GTF3C4: variants seen among roughly 807,000 people sequenced by gnomAD.
GTF3C4 encodes general transcription factor IIIC subunit 4.
GTF3C4 carries 28 observed loss-of-function variants against 67.5 expected under a neutral mutation model. The observed-to-expected ratio is 0.41, with a 90% CI of 0.31 to 0.57. GTF3C4 has a LOEUF of 0.57. Among genes scored for constraint, GTF3C4 ranks in the 20% least tolerant of loss-of-function variants. The probability of loss-of-function intolerance (pLI) is 0.21; values close to 1 mark genes in which losing one functional copy is unlikely to be tolerated. For synonymous variants in GTF3C4, 409 were observed against 393.0 expected, an observed-to-expected ratio of 1.04 and a Z score of -0.48; for missense variants, 831 against 1,033.2, an observed-to-expected ratio of 0.80 and a Z score of 2.68.
chr9:132,684,571 C>G (rs1413442631), intron 3 of GTF3C4, among the ~76,000 whole-genome samples: 1 of 152,124 alleles, frequency 6.6e-6, no homozygotes, highest in Admixed American at 6.5e-5. Flanking sequence ...AGCCTGGGGC[C>G]CCTTCCTCCC....
Position 132,693,270 on chromosome 9 carries a change from T to C in GTF3C4, c.*4325T>C, listed in dbSNP as rs1297563355. 6.6e-6 allele frequency: 1 copy of C among 152,230 alleles called. No individual in the cohort carries two copies. Among genetic ancestry groups the C allele is most frequent in the Non-Finnish European group, 1.5e-5 (1 of 68,042 alleles). The allele number at this position is 152,230 out of a possible 1,614,324, so 9.4% of individuals were successfully genotyped here. On this transcript the variant is annotated 3_prime_UTR_variant, in exon 5 of 5. Coordinates refer to ENST00000372146, the MANE Select transcript of GTF3C4 (RefSeq NM_012204.4). ...CGAGTAGTTATTTGTAAAGCTGTCC[T>C]AGAAAGAGGTTAATTCTTTTGGTAT... is the stretch of plus-strand genomic sequence containing the variant.
intron 2 of GTF3C4, among the ~76,000 whole-genome samples, chr9:132,680,283 C>T (rs1232328039): frequency 6.6e-6 from 1 of 152,284 alleles, no homozygotes; most frequent in East Asian, 1.9e-4. Context: ...CTCATTTTTA[C>T]AAAAACTGGG....
chr9:132,687,970 A>C (rs529678545), intron 4 of GTF3C4, among the ~76,000 whole-genome samples: 1 of 152,362 alleles, frequency 6.6e-6, no homozygotes, highest in East Asian at 1.9e-4. Context: ...TTTGAGGGGA[A>C]TATTCTATTC....
At position 132,670,918 on chromosome 9, in the gene GTF3C4, C is replaced by T; in HGVS notation, c.320C>T (p.Thr107Ile). ...NPGQDLVIHR[T>I]SVPAPLNSCL... is the part of the protein sequence containing the mutation. Reference sequence around the variant, plus strand: ...GGCCAGGACCTGGTTATCCACCGCACCTCGGTGCCCGCACCGCTCAACAGC... The same window carrying T: ...GGCCAGGACCTGGTTATCCACCGCATCTCGGTGCCCGCACCGCTCAACAGC... Residue 107 changes from threonine (T) to isoleucine (I), a missense_variant, in exon 1 of 5, where the codon ACC becomes ATC. Coordinates refer to ENST00000372146, the MANE Select transcript of GTF3C4 (RefSeq NM_012204.4). 6.2e-7 allele frequency: 1 copy of T among 1,612,290 alleles called. No homozygotes were observed. Among genetic ancestry groups the T allele is most frequent in the Non-Finnish European group, 8.5e-7 (1 of 1,179,678 alleles).
chr9:132,670,221 T>A, upstream of GTF3C4: 1 of 1,554,592 alleles, frequency 6.4e-7, no homozygotes, highest in Non-Finnish European at 8.7e-7. Flanking sequence ...GCTCTCTGAA[T>A]GCCTCTGAGA....
At chr9:132,684,549 A>G (rs1835997171) in intron 3 of GTF3C4, among the ~76,000 whole-genome samples, 2 of 152,188 alleles carry the variant, frequency 1.3e-5, no homozygotes, top group Admixed American at 1.3e-4. Flanking sequence ...AGTGATCCAC[A>G]AGACGCCACA....
In GTF3C4 at chr9:132,692,968, A is replaced by T. The variant is rs1836141518; in HGVS notation, c.*4023A>T. ...GTATCTGCTGTTCAACCTAGTATAG[A>T]GCATGTGAAATGCAACTGTCCTTTA... On this transcript the variant is annotated 3_prime_UTR_variant, in exon 5 of 5. Transcript: ENST00000372146. 1 of 152,240 alleles carries T rather than the reference A, an allele frequency of 6.6e-6. No homozygotes were observed. Among genetic ancestry groups the T allele is most frequent in the Admixed American group, 6.5e-5 (1 of 15,288 alleles). The allele number at this position is 152,240 out of a possible 1,614,324, so 9.4% of individuals were successfully genotyped here. A position where few individuals can be genotyped will look rare whatever the true frequency, so the allele number is the denominator to read the frequency against.
Position 132,692,114 on chromosome 9 carries a change from G to A in GTF3C4, c.*3169G>A, listed in dbSNP as rs1334404319. 1 of 152,100 alleles carries A rather than the reference G, an allele frequency of 6.6e-6. No individual in the cohort carries two copies. The allele number at this position is 152,100 out of a possible 1,614,324, so 9.4% of individuals were successfully genotyped here. ...AGGAATTAGGGTCACTGGTTGATTGGCACAGGATCTTTCCATCGTTTCTGC... is the reference window on the plus strand; with the variant it reads ...AGGAATTAGGGTCACTGGTTGATTGACACAGGATCTTTCCATCGTTTCTGC... On this transcript the variant is annotated 3_prime_UTR_variant, in exon 5 of 5. Transcript: ENST00000372146.
chr9:132,685,861 A>G (rs1836018500), intron 3 of GTF3C4, among the ~76,000 whole-genome samples: 1 of 152,246 alleles, frequency 6.6e-6, no homozygotes, highest in South Asian at 2.1e-4. Flanking sequence ...GGTGTGTGCC[A>G]TTGCACCTGG....
intron 2 of GTF3C4, among the ~76,000 whole-genome samples, chr9:132,680,488 A>G (rs1352175030): frequency 6.6e-6 from 1 of 152,256 alleles, no homozygotes; most frequent in African/African-American, 2.4e-5. Context: ...TCTTTCTTGC[A>G]GCTAACAGTT....
chr9:132,670,275 G>T, upstream of GTF3C4: 1 of 1,513,044 alleles, frequency 6.6e-7, no homozygotes. Flanking sequence ...CCCCTTTACC[G>T]CCCCGTGCGT....
In GTF3C4 at chr9:132,677,964, C is replaced by T. The variant is rs1835886424; in HGVS notation, c.358-13C>T. ...AATGCTCATCTGATAGTTTTTATAT[C>T]TCTTATTTTCAGGTTGGCTCAAAAA... is the stretch of plus-strand genomic sequence containing the variant. On this transcript the variant is annotated splice_polypyrimidine_tract_variant and intron_variant, in intron 1 of 4. Coordinates refer to ENST00000372146, the MANE Select transcript of GTF3C4 (RefSeq NM_012204.4). The T allele has an allele frequency of 6.4e-7, 1 of 1,570,704 alleles. No homozygotes were observed.
At chr9:132,671,256 C>A (rs947510230) in intron 1 of GTF3C4, among the ~76,000 whole-genome samples, 6 of 152,194 alleles carry the variant, frequency 3.9e-5, no homozygotes, top group Non-Finnish European at 8.8e-5. Context: ...CGGGCCCGCA[C>A]ATGGAGCGGG....
intron 1 of GTF3C4, 98 bp downstream of exon 1, chr9:132,671,053 G>A (rs1835732109): frequency 2.4e-6 from 2 of 827,802 alleles, no homozygotes; most frequent in Non-Finnish European, 4.0e-6. Flanking sequence ...TCTGTCCGGG[G>A]ATTTCCCTCT....
chr9:132,670,481 C>T lies in GTF3C4; in HGVS notation c.-118C>T, dbSNP rs1263522479. 2.0e-6 allele frequency: 2 copies of T among 1,018,976 alleles called. No homozygotes were observed. The highest frequency in any genetic ancestry group is 2.7e-6 in the Non-Finnish European group (2 of 753,184). 63.1% of individuals were successfully genotyped at this position (1,018,976 alleles called of 1,614,324 possible). ...GGGTCCTTCTTGGCTCGGCGGCGCT[C>T]GGGGCCTGAGGGGAGAAAACCGCCG... On this transcript the variant is annotated 5_prime_UTR_variant, in exon 1 of 5. Coordinates refer to ENST00000372146, the MANE Select transcript of GTF3C4 (RefSeq NM_012204.4).
intron 1 of GTF3C4, among the ~76,000 whole-genome samples, chr9:132,671,695 G>A (rs775274137): frequency 1.4e-5 from 2 of 147,052 alleles, no homozygotes; most frequent in Non-Finnish European, 3.0e-5. Context: ...CCTTGATAGA[G>A]GTGTACGCTT....
At chr9:132,671,363 G>A (rs1391635792) in intron 1 of GTF3C4, among the ~76,000 whole-genome samples, 1 of 152,094 alleles carries the variant, frequency 6.6e-6, no homozygotes, top group Non-Finnish European at 1.5e-5. Context: ...ACTTTCCGAG[G>A]TTCTTGGCTG....
intron 1 of GTF3C4, among the ~76,000 whole-genome samples, chr9:132,677,493 G>A (rs1244353293): frequency 6.6e-6 from 1 of 152,206 alleles, no homozygotes; most frequent in Non-Finnish European, 1.5e-5. Flanking sequence ...ATTAGATCTG[G>A]TAGGATAGAT....
chr9:132,679,578 C>T lies in GTF3C4; in HGVS notation c.1959C>T (p.Leu653=), dbSNP rs1314438574. ...GDVEEPTDDS[L]PTTGDAGGRE... is the part of the protein sequence containing the mutation. ...TAGAGGAGCCCACTGATGACTCGCT[C>T]CCCACGACTGGAGATGCTGGAGGCC... Residue 653 remains leucine, a synonymous_variant, in exon 2 of 5, where the codon CTC becomes CTT. Transcript: ENST00000372146. This position sits in a 1 kb window ranked among gnomAD's most constrained non-coding sequence, Gnocchi z 5.9. The T allele has an allele frequency of 2.5e-6, 4 of 1,613,964 alleles. No homozygotes were observed. Among genetic ancestry groups the T allele is most frequent in the Non-Finnish European group, 3.4e-6 (4 of 1,180,024 alleles).
Sources: gnomAD v4.1 joint callset for allele counts (sites outside exome capture counted in the v4.1 genomes callset) on GRCh38, gnomAD v4.1.1 for gene constraint, Gnocchi (gnomAD v3.1) non-coding constraint, MANE v1.5 for transcripts, NCBI Gene and HGNC (gene_info 2026-07-23, HGNC 2026-07-21) for gene names.